Variants in SYT12 observed in about 807,000 individuals in gnomAD.
SYT12 encodes the protein synaptotagmin-12.
Under a neutral mutation model 39.5 loss-of-function variants are expected in SYT12, and 27 were observed. That is an observed-to-expected ratio of 0.68 (90% CI 0.50 to 0.94). SYT12 has a LOEUF of 0.94. Among genes scored for constraint, SYT12 ranks in the 40% least tolerant of loss-of-function variants. The pLI is 0.00. For missense variants in SYT12, 536 were observed against 572.6 expected, an observed-to-expected ratio of 0.94 and a Z score of 0.65; for synonymous variants, 233 against 239.7, an observed-to-expected ratio of 0.97 and a Z score of 0.26.
intron 2 of SYT12, among the ~76,000 whole-genome samples, chr11:67,033,902 C>T (rs1485804633): frequency 1.3e-5 from 2 of 152,108 alleles, no homozygotes; most frequent in East Asian, 1.9e-4. Context: ...TGTTAATTTC[C>T]GTTTTCGGGG....
rs189646739 is a variant in SYT12 at position 67,016,259 on chromosome 11, C to T, written c.-69+5265C>T. Among the ~76,000 whole-genome samples the T allele has an allele frequency of 4.7e-4, 71 of 152,116 alleles. 1 individual carries two copies. Among genetic ancestry groups the T allele is most frequent in the Middle Eastern group, 3.4e-3 (1 of 294 alleles). ...TCGCACCGCTGCACTCCAGCCTGGG[C>T]GACAGAGTGAGATTTCTGTCTCATT... is the stretch of plus-strand genomic sequence containing the variant. On this transcript the variant is annotated intron_variant, in intron 3 of 10. Coordinates refer to the SYT12 transcript ENST00000393946.
At chr11:67,014,540 A>G (rs960132633) in intron 3 of SYT12, among the ~76,000 whole-genome samples, 1 of 152,222 alleles carries the variant, frequency 6.6e-6, no homozygotes, top group African/African-American at 2.4e-5. Context: ...GCCCTCTGCC[A>G]GGCACTGAGG....
chr11:67,044,853 A>T, intron 6 of SYT12, 140 bp downstream of exon 6: 1 of 1,275,990 alleles, frequency 7.8e-7, no homozygotes, highest in Admixed American at 2.3e-5. Context: ...TGAGCCCAGA[A>T]GTCATGCAGA....
intron 3 of SYT12, among the ~76,000 whole-genome samples, chr11:67,011,814 G>A (rs1950015091): frequency 6.6e-6 from 1 of 151,708 alleles, no homozygotes; most frequent in Non-Finnish European, 1.5e-5. Context: ...CGCCCAGGCT[G>A]GAGTGCAGTG....
upstream of SYT12, among the ~76,000 whole-genome samples, chr11:67,019,591 T>G (rs887884397): frequency 6.6e-6 from 1 of 152,048 alleles, no homozygotes; most frequent in South Asian, 2.1e-4. Context: ...GTGGGAATTA[T>G]GGGAACTACA....
chr11:67,032,517 G>T (rs1031814775), intron 2 of SYT12: 1 of 152,268 alleles, frequency 6.6e-6, no homozygotes, highest in African/African-American at 2.4e-5. Context: ...CCAAGGTACC[G>T]GTGCCCGGCT....
At chr11:67,010,768 T>C in intron 2 of SYT12, 1 of 152,344 alleles carries the variant, frequency 6.6e-6, no homozygotes. Context: ...TTGTCCTGTG[T>C]GAACAGGCGT....
chr11:67,010,409 G>C (rs764767674), intron 2 of SYT12, among the ~76,000 whole-genome samples: 3 of 152,214 alleles, frequency 2.0e-5, no homozygotes, highest in Non-Finnish European at 2.9e-5. Flanking sequence ...GGCTGGGCAG[G>C]AGAGATTGCA....
At chr11:67,048,077 C>T (rs907942473) in intron 7 of SYT12, among the ~76,000 whole-genome samples, 1 of 150,916 alleles carries the variant, frequency 6.6e-6, no homozygotes, top group Non-Finnish European at 1.5e-5. Context: ...AGGCGTGAGC[C>T]ACCGTGCCCG....
Position 67,046,070 on chromosome 11 carries a change from G to A in SYT12, c.1092+193G>A, listed in dbSNP as rs78736607. 3.3e-5 allele frequency among the ~76,000 whole-genome samples: 5 copies of A among 152,076 alleles called. No individual in the cohort carries two copies. The East Asian group carries it at 9.7e-4, about 29-fold the overall frequency. The stretch of plus-strand genomic sequence containing the variant: ...CTGGGGACACAGGCATGGCTTTCTC[G>A]GTGCTCACAAGGGACAGGCAGGAGA... On this transcript the variant is annotated intron_variant, in intron 7 of 7. Coordinates refer to ENST00000527043, the MANE Select transcript of SYT12 (RefSeq NM_177963.4).
In SYT12 at chr11:67,043,782, C is replaced by A; in HGVS notation, c.766C>A (p.Leu256Met). Residue 256 changes from leucine (L) to methionine (M), a missense_variant, in exon 5 of 8, where the codon CTG becomes ATG. Coordinates refer to ENST00000527043, the MANE Select transcript of SYT12 (RefSeq NM_177963.4). ...CAACGTCAGCACGGGGGTGGTGGAGCTGAAGCTTTCTGTGCTTGACCTCCC... is the reference window on the plus strand; with the variant it reads ...CAACGTCAGCACGGGGGTGGTGGAGATGAAGCTTTCTGTGCTTGACCTCCC... The part of the protein sequence containing the change: ...ERNVSTGVVE[L>M]KLSVLDLPLQ... 1 of 1,614,102 alleles carries A rather than the reference C, an allele frequency of 6.2e-7. No individual in the cohort carries two copies. The highest frequency in any genetic ancestry group is 1.1e-5 in the South Asian group (1 of 91,082).
rs757024796 is a variant in SYT12, at chr11:67,040,189, G to A, written c.607G>A (p.Val203Met). 8 of 1,577,378 alleles carry A rather than the reference G, an allele frequency of 5.1e-6. No homozygotes were observed. Among genetic ancestry groups the A allele is most frequent in the East Asian group, 2.3e-5 (1 of 44,422 alleles). Reference sequence around the variant, plus strand: ...CAGCCTGCTGCCGGACGAGCAGATCGTGGGCATTTCTCGGGTAAGTGGGGC... The same window carrying A: ...CAGCCTGCTGCCGGACGAGCAGATCATGGGCATTTCTCGGGTAAGTGGGGC... ...RVSLLPDEQI[V>M]GISRIQRNAY... Residue 203 changes from valine (V) to methionine (M), a missense_variant, in exon 4 of 8, where the codon GTG becomes ATG. Transcript: ENST00000527043.
intron 4 of SYT12, among the ~76,000 whole-genome samples, chr11:67,042,393 G>C (rs555225221): frequency 4.6e-5 from 7 of 152,338 alleles, no homozygotes; most frequent in African/African-American, 1.7e-4. Context: ...GCCACAGCCT[G>C]ATGTGTGCTG....
At chr11:67,015,877 T>A (rs1950054338) in intron 3 of SYT12, among the ~76,000 whole-genome samples, 1 of 152,040 alleles carries the variant, frequency 6.6e-6, no homozygotes, top group Non-Finnish European at 1.5e-5. Context: ...GGACTCTGGA[T>A]CTCAGGAGGC....
At chr11:67,043,975 C>A in intron 5 of SYT12, 122 bp downstream of exon 5, 1 of 970,204 alleles carries the variant, frequency 1.0e-6, no homozygotes, top group Non-Finnish European at 1.5e-6. Flanking sequence ...ATTAGGAGAG[C>A]AGAGAAGAAG....
upstream of SYT12, chr11:67,021,952 CT>C (rs561515736): frequency 6.8e-4 from 96 of 141,554 alleles, no homozygotes; most frequent in Admixed American, 9.1e-4. Context: ...TTTTTCTTTT[CT>C]TTTTTTTTTT....
intron 3 of SYT12, chr11:67,011,128 G>C (rs1266039886): frequency 2.0e-5 from 3 of 152,176 alleles, no homozygotes; most frequent in Non-Finnish European, 4.4e-5. Flanking sequence ...GGAGGCTGAG[G>C]GGGAGGGTCA....
intron 4 of SYT12, among the ~76,000 whole-genome samples, chr11:67,041,538 G>A (rs1210279524): frequency 6.6e-6 from 1 of 152,176 alleles, no homozygotes; most frequent in East Asian, 1.9e-4. Context: ...TGGTGCGGAT[G>A]GGGTGTGGGG....
In SYT12 at chr11:67,049,199, A is replaced by C. The variant is rs1174650738; in HGVS notation, c.*442A>C. On this transcript the variant is annotated 3_prime_UTR_variant, in exon 8 of 8. Transcript: ENST00000527043. ...GATGGCAGCCCAGCTGTGTGGACTC[A>C]GGGGGCTCTGAGGGCTAGGGAAACA... 6.4e-6 allele frequency: 1 copy of C among 156,788 alleles called. No homozygotes were observed. Among genetic ancestry groups the C allele is most frequent in the South Asian group, 2.0e-4 (1 of 5,024 alleles). 9.7% of individuals were successfully genotyped at this position (156,788 alleles called of 1,614,324 possible).
Sources: gnomAD v4.1 joint callset for allele counts (sites outside exome capture counted in the v4.1 genomes callset) on GRCh38, gnomAD v4.1.1 for gene constraint, MANE v1.5 for transcripts, NCBI Gene and HGNC (gene_info 2026-07-23, HGNC 2026-07-21) for gene names.